The following MCF2L2 variants were observed in gnomAD, a reference collection of about 807,000 sequenced individuals.
MCF2L2 encodes probable guanine nucleotide exchange factor MCF2L2.
A neutral mutation model predicts 150.2 loss-of-function variants in MCF2L2; 102 were observed. That is an observed-to-expected ratio of 0.68 (90% CI 0.58 to 0.80). The LOEUF (loss-of-function observed/expected upper bound fraction) is 0.80. MCF2L2 is among the 30% of genes least tolerant of loss of function. The probability of loss-of-function intolerance (pLI) is 0.00; values close to 1 mark genes in which losing one functional copy is unlikely to be tolerated. For missense variants in MCF2L2, 1,256 were observed against 1,372.8 expected (o/e 0.91, Z 1.34); for synonymous variants, 465 against 491.3 (o/e 0.95, Z 0.71).
At chr3:183,348,783 C>A (rs540526596) in intron 3 of MCF2L2, among the ~76,000 whole-genome samples, 2 of 150,228 alleles carry the variant, frequency 1.3e-5, no homozygotes, top group South Asian at 2.1e-4. Context: ...ATAAGTTATT[C>A]ATAAATATAA....
rs1577008050 is a variant in MCF2L2, at chr3:183,270,956, T to C, written c.1862+5916A>G. On this transcript the variant is annotated intron_variant, in intron 15 of 29. Coordinates refer to ENST00000328913, the MANE Select transcript of MCF2L2 (RefSeq NM_015078.4). This position sits in a 1 kb window ranked among gnomAD's most constrained non-coding sequence, Gnocchi z 4.5. ...TCTAATAGTACTTGAATGTTGTATG[T>C]TTTCACTGTCACTGAGTCAAACCTG... is the stretch of plus-strand genomic sequence containing the variant. 2 of 1,533,130 alleles carry C rather than the reference T, an allele frequency of 1.3e-6. No individual in the cohort carries two copies. The highest frequency in any genetic ancestry group is 4.4e-5 in the Admixed American group (2 of 45,828). The allele number at this position is 1,533,130 out of a possible 1,614,324, so 95.0% of individuals were successfully genotyped here.
intron 15 of MCF2L2, chr3:183,254,341 G>C (rs978803314): frequency 6.6e-6 from 1 of 151,936 alleles, no homozygotes; most frequent in Admixed American, 6.6e-5. Context: ...AAGTCGGGAA[G>C]CCGGGGAGGC....
At chr3:183,310,646 G>C (rs1166799743) in intron 9 of MCF2L2, 6 of 378,776 alleles carry the variant, frequency 1.6e-5, no homozygotes. Flanking sequence ...CGGAGTGACA[G>C]AGCAAGACCC....
intron 25 of MCF2L2, among the ~76,000 whole-genome samples, chr3:183,196,805 A>G (rs1312900717): frequency 6.6e-6 from 1 of 152,120 alleles, no homozygotes; most frequent in Non-Finnish European, 1.5e-5. Context: ...TTTTCTTTTT[A>G]TCTAAACCAC....
chr3:183,187,756 C>T lies in MCF2L2; in HGVS notation c.3016+5243G>A, dbSNP rs59097442. 2.3e-3 allele frequency among the ~76,000 whole-genome samples: 352 copies of T among 152,280 alleles called. 11 individuals are homozygous for T. In the East Asian group the frequency reaches 0.062, roughly 27 times the overall value. On this transcript the variant is annotated intron_variant, in intron 27 of 29. Coordinates refer to ENST00000328913, the MANE Select transcript of MCF2L2 (RefSeq NM_015078.4). ...TGCTGGGATTACAGGCGTGAGCCACCGCGCCCAGCCCTTTATTTTTACTGT... is the reference window on the plus strand; with the variant it reads ...TGCTGGGATTACAGGCGTGAGCCACTGCGCCCAGCCCTTTATTTTTACTGT...
intron 20 of MCF2L2, among the ~76,000 whole-genome samples, chr3:183,222,492 G>A (rs944520851): frequency 2.0e-5 from 3 of 152,070 alleles, no homozygotes; most frequent in Non-Finnish European, 4.4e-5. Context: ...AGAGGTTGCA[G>A]TGAACTGAGA....
chr3:183,266,497 C>T (rs59153198), intron 15 of MCF2L2, among the ~76,000 whole-genome samples: 2,237 of 152,304 alleles, frequency 0.015, 124 homozygotes, highest in East Asian at 0.12. Flanking sequence ...TGCTTTAAGC[C>T]TCCAGTTCCT....
intron 13 of MCF2L2, 50 bp from the exon 14 acceptor site, chr3:183,289,270 C>A: frequency 7.9e-7 from 1 of 1,263,498 alleles, no homozygotes; most frequent in South Asian, 1.2e-5. Flanking sequence ...AACTATAACT[C>A]AGTGCACTTT....
chr3:183,389,022 T>C (rs1713997725), intron 2 of MCF2L2, among the ~76,000 whole-genome samples: 1 of 152,236 alleles, frequency 6.6e-6, no homozygotes, highest in Non-Finnish European at 1.5e-5. Context: ...ATACTAAGGA[T>C]ATCTAATGTC....
chr3:183,260,945 T>C (rs895816423), intron 15 of MCF2L2, among the ~76,000 whole-genome samples: 2 of 152,196 alleles, frequency 1.3e-5, no homozygotes, highest in African/African-American at 2.4e-5. Flanking sequence ...TAAAGTTCCA[T>C]ATAGCTAAAG....
At chr3:183,228,603 CA>C (rs1560354690) in intron 17 of MCF2L2, among the ~76,000 whole-genome samples, 1 of 151,632 alleles carries the variant, frequency 6.6e-6, no homozygotes, top group Admixed American at 6.6e-5. Context: ...CTTAGGTTCA[CA>C]AAAAGAAAAA....
intron 14 of MCF2L2, among the ~76,000 whole-genome samples, chr3:183,288,225 T>C (rs1727904239): frequency 6.6e-6 from 1 of 152,242 alleles, no homozygotes; most frequent in African/African-American, 2.4e-5. Flanking sequence ...AGAGGTTATG[T>C]TGCTTAAACC....
chr3:183,245,350 G>T (rs1272831053), intron 15 of MCF2L2, among the ~76,000 whole-genome samples: 1 of 152,176 alleles, frequency 6.6e-6, no homozygotes, highest in African/African-American at 2.4e-5. Context: ...AGACAGGAGT[G>T]CCATGAGGAG....
At chr3:183,218,984 A>G (rs1398071934) in intron 21 of MCF2L2, among the ~76,000 whole-genome samples, 2 of 152,194 alleles carry the variant, frequency 1.3e-5, no homozygotes, top group Non-Finnish European at 2.9e-5. Flanking sequence ...CCCATAAGAC[A>G]TGTCTCAAGT....
chr3:183,189,746 G>T (rs990166459), intron 27 of MCF2L2, among the ~76,000 whole-genome samples: 2 of 152,236 alleles, frequency 1.3e-5, no homozygotes, highest in Admixed American at 6.5e-5. Context: ...GCTGCCGCCT[G>T]CTGCTACAGT....
rs1452300027 is a variant in MCF2L2 at position 183,270,015 on chromosome 3, T to C, written c.1862+6857A>G. 3 of 1,614,036 alleles carry C rather than the reference T, an allele frequency of 1.9e-6. No homozygotes were observed. The highest frequency in any genetic ancestry group is 2.5e-6 in the Non-Finnish European group (3 of 1,180,048). On this transcript the variant is annotated intron_variant, in intron 15 of 29. Coordinates refer to ENST00000328913, the MANE Select transcript of MCF2L2 (RefSeq NM_015078.4). This position sits in a 1 kb window ranked among gnomAD's most constrained non-coding sequence, Gnocchi z 4.5. Reference sequence around the variant, plus strand: ...TAAGCACACCTCAGCGGGGCCTCGCTACCAATACTTGATTAACCACAAGGA... The same window carrying C: ...TAAGCACACCTCAGCGGGGCCTCGCCACCAATACTTGATTAACCACAAGGA...
In MCF2L2 at chr3:183,206,156, G is replaced by T. The variant is rs1475001628; in HGVS notation, c.2771C>A (p.Ala924Asp). ...GTATTTCTCAAGTCCATTTCGACTG[G>T]CAATCTCAAACTTTCTATGGCTCCC... ...GRGSHRKFEI[A>D]SRNGLEKYIL... The change falls in exon 24 of 30, where the codon GCC becomes GAC. Residue 924 changes from alanine to aspartate, a missense_variant. Coordinates refer to ENST00000328913, the MANE Select transcript of MCF2L2 (RefSeq NM_015078.4). 1.1e-5 allele frequency: 18 copies of T among 1,614,120 alleles called. No homozygotes were observed. Among genetic ancestry groups the T allele is most frequent in the Middle Eastern group, 1.6e-4 (1 of 6,062 alleles).
intron 3 of MCF2L2, chr3:183,377,272 T>C (rs1442322985): frequency 2.0e-5 from 3 of 152,176 alleles, no homozygotes; most frequent in Non-Finnish European, 4.4e-5. Context: ...AACTCCTGCT[T>C]ATGAGTGAGA....
intron 14 of MCF2L2, among the ~76,000 whole-genome samples, chr3:183,286,944 A>G: frequency 6.6e-6 from 1 of 152,248 alleles, no homozygotes; most frequent in East Asian, 1.9e-4. Context: ...TGCTTGTTTA[A>G]CAGTACCCAT....
Sources: allele counts gnomAD v4.1 joint callset (sites outside exome capture counted in the v4.1 genomes callset), GRCh38; gene constraint gnomAD v4.1.1; non-coding constraint Gnocchi (gnomAD v3.1); transcripts MANE v1.5; gene names NCBI Gene and HGNC (gene_info 2026-07-23, HGNC 2026-07-21).